Variants in NRXN3 observed in about 807,000 individuals in gnomAD.
NRXN3 encodes neurexin 3.
A neutral mutation model predicts 137.6 loss-of-function variants in NRXN3; 32 were observed. That is an observed-to-expected ratio of 0.23 (90% CI 0.18 to 0.31). The LOEUF is 0.31. NRXN3 is among the 10% of genes least tolerant of loss of function. The pLI, the probability that NRXN3 is intolerant of heterozygous loss-of-function variation, is 1.00. For synonymous variants in NRXN3, 798 were observed against 784.5 expected, an observed-to-expected ratio of 1.02 and a Z score of -0.29; for missense variants, 1,574 against 2,062.5, an observed-to-expected ratio of 0.76 and a Z score of 4.59.
At chr14:79,378,226 G>A (rs866377656) in intron 15 of NRXN3, among the ~76,000 whole-genome samples, 13 of 152,140 alleles carry the variant, frequency 8.5e-5, no homozygotes, top group South Asian at 2.1e-4. Flanking sequence ...AGAAGTGGCC[G>A]GGCAAGTGTT....
intron 15 of NRXN3, among the ~76,000 whole-genome samples, chr14:79,261,645 T>TGTGGG (rs2077609054): frequency 6.1e-4 from 14 of 22,830 alleles, no homozygotes; most frequent in East Asian, 4.9e-3. Flanking sequence ...GTGTGTGTGA[T>TGTGGG]GGGGTGGGGG....
intron 3 of NRXN3, chr14:78,282,355 G>A: frequency 3.0e-6 from 1 of 335,388 alleles, no homozygotes; most frequent in Non-Finnish European, 6.0e-6. Context: ...ACCTCTGGGT[G>A]TGAGACCCTT....
intron 10 of NRXN3, among the ~76,000 whole-genome samples, chr14:78,842,228 C>T (rs1414372291): frequency 6.6e-6 from 1 of 152,178 alleles, no homozygotes; most frequent in Admixed American, 6.5e-5. Context: ...AAATTCACCC[C>T]CAATATTTCA....
chr14:78,741,258 C>G (rs774703813), intron 8 of NRXN3, among the ~76,000 whole-genome samples: 1 of 152,208 alleles, frequency 6.6e-6, no homozygotes, highest in Non-Finnish European at 1.5e-5. Flanking sequence ...CATTCCTCCT[C>G]TTCCCTCCCT....
At chr14:79,589,800 T>C (rs1188235184) in intron 16 of NRXN3, among the ~76,000 whole-genome samples, 1 of 152,080 alleles carries the variant, frequency 6.6e-6, no homozygotes, top group Non-Finnish European at 1.5e-5. Flanking sequence ...TCTTAATGAG[T>C]CTCTGACGCT....
At chr14:78,983,598 C>G (rs2099495087) in intron 14 of NRXN3, among the ~76,000 whole-genome samples, 1 of 152,016 alleles carries the variant, frequency 6.6e-6, no homozygotes, top group Non-Finnish European at 1.5e-5. Flanking sequence ...GTGGCTCATG[C>G]CTGTAATCCC....
At chr14:79,145,373 C>T (rs545749606) in intron 15 of NRXN3, among the ~76,000 whole-genome samples, 86 of 152,172 alleles carry the variant, frequency 5.7e-4, no homozygotes, top group African/African-American at 1.8e-3. Context: ...TACCAGAGAC[C>T]GAAAGTCATA....
At chr14:78,835,577 A>G (rs2098994381) in intron 10 of NRXN3, among the ~76,000 whole-genome samples, 1 of 152,134 alleles carries the variant, frequency 6.6e-6, no homozygotes, top group Non-Finnish European at 1.5e-5. Context: ...GGAGTAAGTG[A>G]TGAGAAATTG....
At chr14:78,474,040 A>T (rs769636636) in intron 4 of NRXN3, among the ~76,000 whole-genome samples, 4 of 152,216 alleles carry the variant, frequency 2.6e-5, no homozygotes, top group Non-Finnish European at 5.9e-5. Context: ...CAAGGGCATG[A>T]ATATCAGGAA....
At chr14:79,633,823 A>G (rs1403582084) in intron 16 of NRXN3, among the ~76,000 whole-genome samples, 1 of 152,050 alleles carries the variant, frequency 6.6e-6, no homozygotes, top group Non-Finnish European at 1.5e-5. Context: ...GTCTTCCATC[A>G]CTTCTTGGGA....
intron 15 of NRXN3, among the ~76,000 whole-genome samples, chr14:79,240,982 A>G (rs181600320): frequency 4.5e-4 from 69 of 152,222 alleles, no homozygotes; most frequent in Admixed American, 2.9e-3. Context: ...GTGTGTGTGC[A>G]TGTATGTGTC....
At position 79,861,296 on chromosome 14, in the gene NRXN3, C is replaced by A. The variant is rs1419745220; in HGVS notation, c.4094-46C>A. 6.5e-7 allele frequency: 1 copy of A among 1,535,984 alleles called. No individual in the cohort carries two copies. Among genetic ancestry groups the A allele is most frequent in the Non-Finnish European group, 8.7e-7 (1 of 1,146,930 alleles). ...GGAAACCTTTGACTCTAACCTGCCC[C>A]CTACTGATGATGAAGATTTTTACAC... On this transcript the variant is annotated intron_variant, in intron 20 of 20. Transcript: ENST00000335750. The surrounding 1 kb of genome is among the most constrained non-coding windows in gnomAD (Gnocchi z 5.4).
chr14:79,862,770 G>GAT lies in NRXN3; in HGVS notation c.*807_*808dup, dbSNP rs2099415518. ...AACACATAGCAAAATTCATGTGACG[G>GAT]ATGATAAATTGATTCGAAAAGCTGG... On this transcript the variant is annotated 3_prime_UTR_variant, in exon 21 of 21. Transcript: ENST00000335750. The GAT allele has an allele frequency of 6.6e-6, 1 of 152,602 alleles. No individual in the cohort carries two copies. The highest frequency in any genetic ancestry group is 1.5e-5 in the Non-Finnish European group (1 of 68,050). 9.5% of individuals were successfully genotyped at this position (152,602 alleles called of 1,614,324 possible).
At chr14:78,715,261 G>T (rs1310043947) in intron 8 of NRXN3, 122 bp downstream of exon 8, 3 of 1,293,424 alleles carry the variant, frequency 2.3e-6, no homozygotes, top group Non-Finnish European at 3.1e-6. Flanking sequence ...GAGTTTTTGG[G>T]TTTACTGATT....
At chr14:79,016,190 A>G (rs562709754) in intron 15 of NRXN3, among the ~76,000 whole-genome samples, 2 of 152,260 alleles carry the variant, frequency 1.3e-5, no homozygotes, top group South Asian at 2.1e-4. Flanking sequence ...TGTTTATGTT[A>G]TTATACACCT....
intron 4 of NRXN3, among the ~76,000 whole-genome samples, chr14:78,499,201 G>C (rs796726642): frequency 4.6e-5 from 7 of 150,962 alleles, no homozygotes; most frequent in African/African-American, 1.7e-4. Flanking sequence ...CATTATAAAG[G>C]TGCAACTAGA....
intron 17 of NRXN3, among the ~76,000 whole-genome samples, chr14:79,676,273 G>C (rs1419331795): frequency 1.3e-5 from 2 of 151,938 alleles, no homozygotes; most frequent in Admixed American, 6.6e-5. Flanking sequence ...GCAAGACCAG[G>C]CTATCAGTTT....
chr14:79,008,729 G>C (rs2099562096), intron 15 of NRXN3, among the ~76,000 whole-genome samples: 1 of 146,708 alleles, frequency 6.8e-6, no homozygotes, highest in Non-Finnish European at 1.5e-5. Flanking sequence ...TGTAATCTCA[G>C]CTTCCTGCAA....
intron 4 of NRXN3, chr14:78,614,884 G>A (rs1388547476): frequency 2.2e-6 from 1 of 452,612 alleles, no homozygotes; most frequent in Admixed American, 2.4e-5. Flanking sequence ...ACTAGCTGGG[G>A]GCTCAGCAGC....
Sources: gnomAD v4.1 joint callset for allele counts (sites outside exome capture counted in the v4.1 genomes callset) on GRCh38, gnomAD v4.1.1 for gene constraint, Gnocchi (gnomAD v3.1) non-coding constraint, MANE v1.5 for transcripts, NCBI Gene and HGNC (gene_info 2026-07-23, HGNC 2026-07-21) for gene names.